RALYL: variants seen among roughly 807,000 people sequenced by gnomAD.
RALYL encodes RALY RNA binding protein like.
In RALYL, 29 loss-of-function variants were observed where a neutral mutation model predicts 35.1. The observed-to-expected ratio is 0.83, with a 90% CI of 0.61 to 1.13. The LOEUF (loss-of-function observed/expected upper bound fraction) is 1.13. Ranked by LOEUF, RALYL falls within the 50% of genes most tolerant of loss-of-function variation. The probability of loss-of-function intolerance (pLI) is 0.00; values close to 1 mark genes in which losing one functional copy is unlikely to be tolerated. For synonymous variants in RALYL, 120 were observed against 127.6 expected, an observed-to-expected ratio of 0.94 and a Z score of 0.40; for missense variants, 359 against 360.4, an observed-to-expected ratio of 1.00 and a Z score of 0.03.
intron 4 of RALYL, among the ~76,000 whole-genome samples, chr8:84,824,723 T>C (rs1459029790): frequency 6.6e-6 from 1 of 152,118 alleles, no homozygotes; most frequent in Non-Finnish European, 1.5e-5. Context: ...CCTACAGCTA[T>C]CTGATCTTTG....
chr8:84,775,044 G>T (rs1816508156), intron 3 of RALYL, among the ~76,000 whole-genome samples: 1 of 152,116 alleles, frequency 6.6e-6, no homozygotes, highest in South Asian at 2.1e-4. Flanking sequence ...CTGCCTCCCA[G>T]GTTCAAGCGA....
At chr8:84,539,999 C>T (rs1478015414) in intron 2 of RALYL, among the ~76,000 whole-genome samples, 1 of 149,940 alleles carries the variant, frequency 6.7e-6, no homozygotes, top group Non-Finnish European at 1.5e-5. Context: ...GTAAATAATA[C>T]TGATAAATAC....
At position 84,557,553 on chromosome 8, in the gene RALYL, A is replaced by G. The variant is rs992977260; in HGVS notation, c.256+27976A>G. On this transcript the variant is annotated intron_variant, in intron 2 of 8. Transcript: ENST00000521268. ...TAGAGCTTATGCATTCTCTATGAACATTTAAACATTTATTACAATATGTTA... is the reference window on the plus strand; with the variant it reads ...TAGAGCTTATGCATTCTCTATGAACGTTTAAACATTTATTACAATATGTTA... Among the ~76,000 whole-genome samples the G allele has an allele frequency of 2.1e-4, 32 of 152,364 alleles. 1 individual carries two copies. Among genetic ancestry groups the G allele is most frequent in the Middle Eastern group, 3.4e-3 (1 of 294 alleles).
intron 1 of RALYL, among the ~76,000 whole-genome samples, chr8:84,300,994 TGTAA>T (rs1840661339): frequency 6.6e-6 from 1 of 152,068 alleles, no homozygotes; most frequent in Non-Finnish European, 1.5e-5. Flanking sequence ...GATCTATGTA[TGTAA>T]GTGTGTTTTT....
At chr8:84,517,959 A>C (rs1320220851) in intron 1 of RALYL, among the ~76,000 whole-genome samples, 1 of 152,192 alleles carries the variant, frequency 6.6e-6, no homozygotes, top group Non-Finnish European at 1.5e-5. Flanking sequence ...TTACTCAGCT[A>C]AAAAGAAGTA....
chr8:84,814,063 CA>C lies in RALYL; in HGVS notation c.365+9262del, dbSNP rs532621134. 2.3e-3 allele frequency among the ~76,000 whole-genome samples: 349 copies of C among 152,186 alleles called. 1 individual carries two copies. The highest frequency in any genetic ancestry group is 8.1e-3 in the African/African-American group (335 of 41,540). On this transcript the variant is annotated intron_variant, in intron 4 of 8. Transcript: ENST00000521268. ...TGGTTTCCAGCTTCATCCATCTCCC[CA>C]CTTAAACTCCCAAGCTTCAGGTTCT...
At chr8:84,610,729 G>T (rs2130874080) in intron 2 of RALYL, among the ~76,000 whole-genome samples, 1 of 152,162 alleles carries the variant, frequency 6.6e-6, no homozygotes, top group African/African-American at 2.4e-5. Context: ...ATATCAGTAT[G>T]GAATGATGGG....
chr8:84,901,395 A>T (rs2135560885), intron 8 of RALYL, among the ~76,000 whole-genome samples: 1 of 152,326 alleles, frequency 6.6e-6, no homozygotes. Flanking sequence ...TTTTCTGAAC[A>T]ACTCTTAAGA....
intron 1 of RALYL, among the ~76,000 whole-genome samples, chr8:84,278,258 C>G (rs1380249275): frequency 6.6e-6 from 1 of 152,226 alleles, no homozygotes; most frequent in Non-Finnish European, 1.5e-5. Flanking sequence ...ATGGCCTGAG[C>G]TGTACATCGG....
chr8:84,429,482 CT>C (rs900331547), intron 1 of RALYL, among the ~76,000 whole-genome samples: 1 of 130,890 alleles, frequency 7.6e-6, no homozygotes, highest in African/African-American at 2.6e-5. Context: ...TTTTAAAATG[CT>C]TTTTCCAGAA....
intron 3 of RALYL, among the ~76,000 whole-genome samples, chr8:84,785,376 C>T (rs533971063): frequency 6.6e-6 from 1 of 152,252 alleles, no homozygotes; most frequent in South Asian, 2.1e-4. Flanking sequence ...AAAAAATCAA[C>T]CTCTTTAAGC....
chr8:84,317,524 G>A (rs1843975996), intron 1 of RALYL, among the ~76,000 whole-genome samples: 1 of 152,136 alleles, frequency 6.6e-6, no homozygotes, highest in Non-Finnish European at 1.5e-5. Context: ...ATCTTTTCAG[G>A]AACCCTTAAA....
chr8:84,785,505 A>G (rs1161414748), intron 3 of RALYL, among the ~76,000 whole-genome samples: 2 of 152,178 alleles, frequency 1.3e-5, no homozygotes, highest in Non-Finnish European at 2.9e-5. Flanking sequence ...AGTCAGACAT[A>G]CATGCTTTAT....
intron 2 of RALYL, among the ~76,000 whole-genome samples, chr8:84,644,466 A>G (rs888456780): frequency 1.3e-5 from 2 of 152,072 alleles, no homozygotes; most frequent in East Asian, 3.9e-4. Flanking sequence ...ATTACAAGAC[A>G]TAAGAAATTA....
intron 2 of RALYL, among the ~76,000 whole-genome samples, chr8:84,557,845 A>T (rs1419430982): frequency 6.6e-6 from 1 of 152,180 alleles, no homozygotes; most frequent in Non-Finnish European, 1.5e-5. Context: ...ACTGCCCAAA[A>T]GAAGATTTTG....
intron 1 of RALYL, among the ~76,000 whole-genome samples, chr8:84,427,743 A>T (rs75441366): frequency 6.6e-6 from 1 of 152,130 alleles, no homozygotes; most frequent in Non-Finnish European, 1.5e-5. Context: ...TAAGTAACCT[A>T]GCCAGGTTAG....
chr8:84,356,732 T>C (rs1192769979), intron 1 of RALYL, among the ~76,000 whole-genome samples: 1 of 150,366 alleles, frequency 6.7e-6, no homozygotes, highest in Non-Finnish European at 1.5e-5. Context: ...TTTTGATTAG[T>C]AATCTGAAAT....
chr8:84,277,509 C>T (rs1279795347), intron 1 of RALYL, among the ~76,000 whole-genome samples: 1 of 152,160 alleles, frequency 6.6e-6, no homozygotes, highest in Admixed American at 6.5e-5. Flanking sequence ...GCCTTCCCAA[C>T]AGTCCCCCAA....
chr8:84,716,970 C>T (rs183636866), intron 2 of RALYL, among the ~76,000 whole-genome samples: 4 of 152,052 alleles, frequency 2.6e-5, no homozygotes, highest in African/African-American at 9.6e-5. Flanking sequence ...GGGCAGATCA[C>T]GAGATCAGAA....
Sources: gnomAD v4.1 joint callset for allele counts (sites outside exome capture counted in the v4.1 genomes callset) on GRCh38, gnomAD v4.1.1 for gene constraint, MANE v1.5 for transcripts, NCBI Gene and HGNC (gene_info 2026-07-23, HGNC 2026-07-21) for gene names.